Variants in ZNF831 observed in about 807,000 individuals in gnomAD.
ZNF831 encodes the protein zinc finger protein 831, also known as chromosome 20 open reading frame 174.
Under a neutral mutation model 95.8 loss-of-function variants are expected in ZNF831, and 59 were observed. The observed-to-expected ratio is 0.62, with a 90% CI of 0.50 to 0.77. ZNF831 has a LOEUF of 0.77. ZNF831 is among the 30% of genes least tolerant of loss of function. The pLI, the probability that ZNF831 is intolerant of heterozygous loss-of-function variation, is 0.00. For missense variants in ZNF831, 2,205 were observed against 2,164.0 expected (o/e 1.02, Z -0.38); for synonymous variants, 961 against 925.5 (o/e 1.04, Z -0.70).
chr20:59,204,373 G>C (rs1441882469), intron 3 of ZNF831, among the ~76,000 whole-genome samples: 2 of 151,980 alleles, frequency 1.3e-5, no homozygotes, highest in East Asian at 3.9e-4. Context: ...ATGTGGCCCT[G>C]AGTCCACGTG....
chr20:59,162,529 C>T (rs912249484), upstream of ZNF831, among the ~76,000 whole-genome samples: 1 of 152,332 alleles, frequency 6.6e-6, no homozygotes, highest in African/African-American at 2.4e-5. Context: ...GTTTCCCCAG[C>T]ACCATTTATT....
chr20:59,258,233 A>G lies in ZNF831; in HGVS notation c.*3490A>G, dbSNP rs1259656336. The G allele has an allele frequency of 1.3e-5, 2 of 152,442 alleles. No individual in the cohort carries two copies. Among genetic ancestry groups the G allele is most frequent in the Admixed American group, 6.5e-5 (1 of 15,304 alleles). The allele number at this position is 152,442 out of a possible 1,614,324, so 9.4% of individuals were successfully genotyped here. A position where few individuals can be genotyped will look rare whatever the true frequency, so the allele number is the denominator to read the frequency against. ...TTTTAATGGAAACACTGCCAATAGCATGGTGGGTAACCTAGGGCAAGACAG... is the reference window on the plus strand; with the variant it reads ...TTTTAATGGAAACACTGCCAATAGCGTGGTGGGTAACCTAGGGCAAGACAG... On this transcript the variant is annotated 3_prime_UTR_variant, in exon 6 of 6. Coordinates refer to ENST00000371030, the MANE Select transcript of ZNF831 (RefSeq NM_178457.3).
At chr20:59,219,239 A>G (rs753360994) in intron 4 of ZNF831, among the ~76,000 whole-genome samples, 2 of 152,148 alleles carry the variant, frequency 1.3e-5, no homozygotes, top group Non-Finnish European at 2.9e-5. Context: ...CCCTCACCTC[A>G]AGGAGGTTAG....
intron 2 of ZNF831, among the ~76,000 whole-genome samples, chr20:59,148,915 C>T (rs1980055606): frequency 6.6e-6 from 1 of 152,040 alleles, no homozygotes; most frequent in Non-Finnish European, 1.5e-5. Flanking sequence ...CACATCCTTC[C>T]CCAGAGCATC....
At chr20:59,129,193 T>G (rs988358869) in intron 1 of ZNF831, among the ~76,000 whole-genome samples, 1 of 152,226 alleles carries the variant, frequency 6.6e-6, no homozygotes, top group Non-Finnish European at 1.5e-5. Context: ...GTCATCAGTT[T>G]TTGCATGCAT....
chr20:59,156,581 A>C (rs1189948681), intron 2 of ZNF831, among the ~76,000 whole-genome samples: 1 of 152,076 alleles, frequency 6.6e-6, no homozygotes, highest in Non-Finnish European at 1.5e-5. Context: ...AATAGGCAAA[A>C]CGGACACTCT....
rs1988218606 is a variant in ZNF831, at chr20:59,257,025, G to A, written c.*2282G>A. On this transcript the variant is annotated 3_prime_UTR_variant, in exon 6 of 6. Transcript: ENST00000371030. ...CTTCCAGACCCCTCCTTTCTGGGTG[G>A]CTACTGTGGAATCAACGGGGTCACT... The A allele has an allele frequency of 6.6e-6, 1 of 152,054 alleles. No individual in the cohort carries two copies. The highest frequency in any genetic ancestry group is 1.5e-5 in the Non-Finnish European group (1 of 68,088). 9.4% of individuals were successfully genotyped at this position (152,054 alleles called of 1,614,324 possible).
chr20:59,234,320 T>C (rs1015544179), intron 4 of ZNF831, among the ~76,000 whole-genome samples: 7 of 151,166 alleles, frequency 4.6e-5, no homozygotes, highest in African/African-American at 1.5e-4. Flanking sequence ...GATGGGTGTG[T>C]GACCAAGGTC....
At chr20:59,133,315 C>T (rs901172127) in intron 1 of ZNF831, among the ~76,000 whole-genome samples, 6 of 140,602 alleles carry the variant, frequency 4.3e-5, no homozygotes, top group Admixed American at 7.2e-5. Flanking sequence ...GCATGACGTC[C>T]GTAGGATCAC....
upstream of ZNF831, chr20:59,160,662 C>G (rs1980800231): frequency 6.6e-6 from 1 of 152,288 alleles, no homozygotes; most frequent in Non-Finnish European, 1.5e-5. Context: ...CCTGCTCCTC[C>G]TGACCACAGC....
At position 59,191,190 on chromosome 20, in the gene ZNF831, C is replaced by T. The variant is rs1568750065; in HGVS notation, c.171C>T (p.Ala57=). Residue 57 remains alanine (A), a synonymous_variant, in exon 2 of 6, where the codon GCC becomes GCT. Coordinates refer to ENST00000371030, the MANE Select transcript of ZNF831 (RefSeq NM_178457.3). ...CCCCCCCCACTGTGTTCCTGAAGGC[C>T]CTGCCCATCCCACTGTACCACACGG... ...GLAPPTVFLK[A]LPIPLYHTVP... The T allele has an allele frequency of 6.3e-7, 1 of 1,593,002 alleles. No homozygotes were observed. The highest frequency in any genetic ancestry group is 1.1e-5 in the South Asian group (1 of 88,484).
At chr20:59,216,728 A>G (rs1985705892) in intron 4 of ZNF831, among the ~76,000 whole-genome samples, 1 of 152,184 alleles carries the variant, frequency 6.6e-6, no homozygotes, top group South Asian at 2.1e-4. Flanking sequence ...GCGCAGGTAC[A>G]GTGGAGGCTC....
chr20:59,205,567 C>A (rs1328750024), intron 3 of ZNF831, among the ~76,000 whole-genome samples: 1 of 152,236 alleles, frequency 6.6e-6, no homozygotes, highest in East Asian at 1.9e-4. Context: ...CAAGAGGATA[C>A]TGCATTCTGT....
chr20:59,139,963 T>C (rs1979625884), intron 1 of ZNF831, among the ~76,000 whole-genome samples: 1 of 152,220 alleles, frequency 6.6e-6, no homozygotes, highest in Admixed American at 6.5e-5. Flanking sequence ...TGTATTTTCA[T>C]TTTTATGTAT....
Position 59,208,444 on chromosome 20 carries a change from G to A in ZNF831, c.4027+1388G>A, listed in dbSNP as rs954725663. Among the ~76,000 whole-genome samples the A allele has an allele frequency of 6.6e-6, 1 of 152,196 alleles. No homozygotes were observed. The highest frequency in any genetic ancestry group is 2.4e-5 in the African/African-American group (1 of 41,454). On this transcript the variant is annotated intron_variant, in intron 4 of 5. Transcript: ENST00000371030. The surrounding 1 kb of genome is among the most constrained non-coding windows in gnomAD (Gnocchi z 4.2). ...TCCTGTGACAGGCACAGGTGCCATC[G>A]ATATCACCTCTGTGCTCTCCAGGTG...
chr20:59,208,478 A>G lies in ZNF831; in HGVS notation c.4027+1422A>G, dbSNP rs757632339. 9.2e-5 allele frequency among the ~76,000 whole-genome samples: 14 copies of G among 152,188 alleles called. No individual in the cohort carries two copies. Among genetic ancestry groups the G allele is most frequent in the Non-Finnish European group, 1.8e-4 (12 of 68,028 alleles). On this transcript the variant is annotated intron_variant, in intron 4 of 5. Coordinates refer to ENST00000371030, the MANE Select transcript of ZNF831 (RefSeq NM_178457.3). This position sits in a 1 kb window ranked among gnomAD's most constrained non-coding sequence, Gnocchi z 4.2. ...TCTGTGCTCTCCAGGTGCCCTGTGGATGCCCCTCGTCTCTCCTTAAGAGTT... is the reference window on the plus strand; with the variant it reads ...TCTGTGCTCTCCAGGTGCCCTGTGGGTGCCCCTCGTCTCTCCTTAAGAGTT...
intron 1 of ZNF831, among the ~76,000 whole-genome samples, chr20:59,135,966 C>A (rs1979497941): frequency 6.6e-6 from 1 of 152,034 alleles, no homozygotes; most frequent in African/African-American, 2.4e-5. Flanking sequence ...GGAGCAAGAC[C>A]CTGTCTCAAA....
At chr20:59,138,143 A>G (rs1979570519) in intron 1 of ZNF831, among the ~76,000 whole-genome samples, 2 of 152,260 alleles carry the variant, frequency 1.3e-5, no homozygotes, top group African/African-American at 4.8e-5. Flanking sequence ...GACTAATTAA[A>G]TGATTGAAAA....
intron 4 of ZNF831, 95 bp downstream of exon 4, chr20:59,207,151 C>T: frequency 1.3e-6 from 2 of 1,483,292 alleles, no homozygotes; most frequent in South Asian, 1.3e-5. Flanking sequence ...AGGAGTCAGC[C>T]CCAAGTGCCA....
Sources: allele counts gnomAD v4.1 joint callset (sites outside exome capture counted in the v4.1 genomes callset), GRCh38; gene constraint gnomAD v4.1.1; non-coding constraint Gnocchi (gnomAD v3.1); transcripts MANE v1.5; gene names NCBI Gene and HGNC (gene_info 2026-07-23, HGNC 2026-07-21).